The following GOLT1A variants were observed in gnomAD, a reference collection of about 807,000 sequenced individuals.
GOLT1A encodes the protein golgi transport 1A, also known as vesicle transport protein GOT1A.
GOLT1A carries 10 observed loss-of-function variants against 16.1 expected under a neutral mutation model. The observed-to-expected ratio is 0.62, with a 90% CI of 0.38 to 1.05. The LOEUF (loss-of-function observed/expected upper bound fraction) is 1.05, where lower values mean the gene tolerates loss of function less well. Among genes scored for constraint, GOLT1A ranks in the 50% least tolerant of loss-of-function variants. GOLT1A has a pLI of 0.01. For synonymous variants in GOLT1A, 60 were observed against 67.9 expected (o/e 0.88, Z 0.57); for missense variants, 137 against 165.7 (o/e 0.83, Z 0.95).
chr1:204,207,952 T>G, intron 1 of GOLT1A, among the ~76,000 whole-genome samples: 1 of 152,154 alleles, frequency 6.6e-6, no homozygotes, highest in Non-Finnish European at 1.5e-5. Flanking sequence ...AACCACAATG[T>G]GATACCACCT....
intron 1 of GOLT1A, among the ~76,000 whole-genome samples, chr1:204,208,474 G>GTATA (rs1175788237): frequency 8.0e-4 from 25 of 31,438 alleles, no homozygotes; most frequent in South Asian, 3.8e-3. Context: ...GTGTGTGTGT[G>GTATA]TGTATATATA....
rs1658897345 is a variant in GOLT1A at position 204,198,439 on chromosome 1, A to T, written c.*19T>A. 2 of 1,612,614 alleles carry T rather than the reference A, an allele frequency of 1.2e-6. No individual in the cohort carries two copies. Among genetic ancestry groups the T allele is most frequent in the African/African-American group, 1.3e-5 (1 of 74,998 alleles). On this transcript the variant is annotated 3_prime_UTR_variant, in exon 5 of 5. Coordinates refer to ENST00000308302, the MANE Select transcript of GOLT1A (RefSeq NM_198447.2). The stretch of plus-strand genomic sequence containing the variant: ...CCCCTCAACCAATGATCCAAGTTCA[A>T]GGAGCTCATCTCTGTTTTTCAGACC...
Position 204,198,300 on chromosome 1 carries a change from T to A in GOLT1A, c.*158A>T. On this transcript the variant is annotated 3_prime_UTR_variant, in exon 5 of 5. Coordinates refer to ENST00000308302, the MANE Select transcript of GOLT1A (RefSeq NM_198447.2). Reference sequence around the variant, plus strand: ...CAGCCTCTTGAGTCGACTTGGGGATTTGACGTCAGTTGCTCAGCTCCATTC... The same window carrying A: ...CAGCCTCTTGAGTCGACTTGGGGATATGACGTCAGTTGCTCAGCTCCATTC... 1.5e-6 allele frequency: 1 copy of A among 658,356 alleles called. No homozygotes were observed. The highest frequency in any genetic ancestry group is 2.8e-5 in the East Asian group (1 of 35,862). 40.8% of individuals were successfully genotyped at this position (658,356 alleles called of 1,614,324 possible).
At chr1:204,211,369 C>T (rs1276955147) in intron 1 of GOLT1A, among the ~76,000 whole-genome samples, 1 of 152,196 alleles carries the variant, frequency 6.6e-6, no homozygotes, top group Non-Finnish European at 1.5e-5. Flanking sequence ...TATTGCCTGC[C>T]ATGCTCCAAC....
At chr1:204,210,842 T>C (rs1195217201) in intron 1 of GOLT1A, among the ~76,000 whole-genome samples, 2 of 152,200 alleles carry the variant, frequency 1.3e-5, no homozygotes, top group Non-Finnish European at 2.9e-5. Context: ...CATATCTGCC[T>C]GGTTTTCTCT....
intron 3 of GOLT1A, among the ~76,000 whole-genome samples, chr1:204,200,337 TTTTGA>T (rs1478390196): frequency 3.0e-5 from 2 of 65,914 alleles, no homozygotes; most frequent in Admixed American, 1.5e-4. Context: ...GTTTTTTTTT[TTTTGA>T]GAGAGAGAGT....
rs1406673865 is a variant in GOLT1A, at chr1:204,199,175, T to C, written c.360+20A>G. The stretch of plus-strand genomic sequence containing the variant: ...ACTCCCCAGGGTACGCCCGCAGGGC[T>C]GCAGGCATCATCTGCTTACCGCACC... On this transcript the variant is annotated intron_variant, in intron 4 of 4. Transcript: ENST00000308302. 1.4e-5 allele frequency: 22 copies of C among 1,578,922 alleles called. No individual in the cohort carries two copies. The highest frequency in any genetic ancestry group is 1.8e-5 in the Non-Finnish European group (21 of 1,162,076).
At chr1:204,209,844 G>A (rs1004251707) in intron 1 of GOLT1A, among the ~76,000 whole-genome samples, 7 of 152,134 alleles carry the variant, frequency 4.6e-5, no homozygotes, top group Non-Finnish European at 7.3e-5. Flanking sequence ...CATCACCTGA[G>A]GTCAGGAGTT....
chr1:204,207,635 A>C (rs1355059274), intron 1 of GOLT1A, among the ~76,000 whole-genome samples: 1 of 152,236 alleles, frequency 6.6e-6, no homozygotes, highest in Non-Finnish European at 1.5e-5. Flanking sequence ...CAGGCAGATG[A>C]GTCCTTCTGG....
chr1:204,198,634 T>G (rs1276794313), intron 4 of GOLT1A, 138 bp from the exon 5 acceptor site: 3 of 752,518 alleles, frequency 4.0e-6, no homozygotes, highest in East Asian at 5.1e-5. Flanking sequence ...TGTGTCCAGC[T>G]GGCGGTTGTG....
chr1:204,211,698 C>T (rs1343778366), intron 1 of GOLT1A, among the ~76,000 whole-genome samples: 4 of 152,114 alleles, frequency 2.6e-5, no homozygotes, highest in African/African-American at 7.2e-5. Context: ...TATTTTTATT[C>T]GCCAGGTCCA....
chr1:204,206,085 C>T (rs1659035027), intron 1 of GOLT1A, among the ~76,000 whole-genome samples: 1 of 152,046 alleles, frequency 6.6e-6, no homozygotes, highest in African/African-American at 2.4e-5. Flanking sequence ...AAAAAGAAAA[C>T]AGAAAAATAC....
At position 204,202,882 on chromosome 1, in the gene GOLT1A, G is replaced by C; in HGVS notation, c.117+14C>G. ...TGGGGCAGGGGAGTGGGGACACAGG[G>C]CTGGGAGACTCACGTTTCCAAAGGC... is the stretch of plus-strand genomic sequence containing the variant. On this transcript the variant is annotated intron_variant, in intron 2 of 4. Transcript: ENST00000308302. 6.2e-7 allele frequency: 1 copy of C among 1,600,958 alleles called. No homozygotes were observed. The highest frequency in any genetic ancestry group is 8.6e-7 in the Non-Finnish European group (1 of 1,168,176).
At chr1:204,204,842 T>G (rs1231099289) in intron 1 of GOLT1A, among the ~76,000 whole-genome samples, 1 of 152,236 alleles carries the variant, frequency 6.6e-6, no homozygotes, top group Non-Finnish European at 1.5e-5. Flanking sequence ...CTGTTTTGTT[T>G]TGTTTTGATA....
intron 1 of GOLT1A, among the ~76,000 whole-genome samples, chr1:204,206,727 T>C (rs1434797123): frequency 1.3e-5 from 2 of 152,254 alleles, no homozygotes; most frequent in African/African-American, 2.4e-5. Context: ...TTTCATTTCG[T>C]TTTGTTGAAC....
At chr1:204,204,903 A>G (rs997828504) in intron 1 of GOLT1A, among the ~76,000 whole-genome samples, 2 of 152,188 alleles carry the variant, frequency 1.3e-5, no homozygotes, top group South Asian at 2.1e-4. Flanking sequence ...TTTGACTTAC[A>G]TTTCCCTAAT....
intron 4 of GOLT1A, 70 bp from the exon 5 acceptor site, chr1:204,198,566 G>T: frequency 6.8e-7 from 1 of 1,465,696 alleles, no homozygotes; most frequent in Non-Finnish European, 9.4e-7. Flanking sequence ...TTATTACAGA[G>T]CTGGCCTTGA....
intron 1 of GOLT1A, among the ~76,000 whole-genome samples, chr1:204,209,240 T>C (rs910924403): frequency 3.3e-5 from 5 of 152,226 alleles, no homozygotes; most frequent in African/African-American, 1.2e-4. Context: ...TGCATCCTGG[T>C]AGGTGGTGCA....
At chr1:204,199,959 G>T (rs544148174) in intron 3 of GOLT1A, among the ~76,000 whole-genome samples, 1 of 152,108 alleles carries the variant, frequency 6.6e-6, no homozygotes, top group South Asian at 2.1e-4. Flanking sequence ...CTTCCTTACC[G>T]TGGGCCTCAA....
Sources: allele counts gnomAD v4.1 joint callset (sites outside exome capture counted in the v4.1 genomes callset), GRCh38; gene constraint gnomAD v4.1.1; transcripts MANE v1.5; gene names NCBI Gene and HGNC (gene_info 2026-07-23, HGNC 2026-07-21).